The following CDYL variants were observed in gnomAD, a reference collection of about 807,000 sequenced individuals.
CDYL encodes chromodomain Y like.
CDYL carries 8 observed loss-of-function variants against 47.3 expected under a neutral mutation model. The ratio of observed to expected loss-of-function variants is 0.17; its 90% CI spans 0.10 to 0.31. CDYL has a LOEUF of 0.31. Ranked by LOEUF, CDYL falls within the 10% of genes least tolerant of loss-of-function variation. The pLI is 1.00. For synonymous variants in CDYL, 266 were observed against 265.0 expected (o/e 1.00, Z -0.04); for missense variants, 471 against 701.4 (o/e 0.67, Z 3.71).
Position 4,815,693 on chromosome 6 carries a change from T to TTTTA in CDYL, c.24+38886_24+38887insTTTA, listed in dbSNP as rs1554099918. Among the ~76,000 whole-genome samples the TTTTA allele has an allele frequency of 3.3e-3, 463 of 141,968 alleles. 1 individual carries two copies. The highest frequency in any genetic ancestry group is 0.011 in the African/African-American group (437 of 38,212). 93.1% of individuals were successfully genotyped at this position (141,968 alleles called of 152,430 possible). ...TTTCACTTTTTTTTTTTTTTTTTTT[T>TTTTA]ACCTTTTTTTTTTCCCTTGTCCAAG... On this transcript the variant is annotated intron_variant, in intron 1 of 6. Transcript: ENST00000397588.
At chr6:4,805,476 A>C (rs1478270460) in intron 1 of CDYL, among the ~76,000 whole-genome samples, 4 of 152,190 alleles carry the variant, frequency 2.6e-5, no homozygotes, top group Admixed American at 2.6e-4. Flanking sequence ...CATAGGTTAG[A>C]GAGAGATATA....
At chr6:4,860,002 C>T (rs1761117637) in intron 1 of CDYL, among the ~76,000 whole-genome samples, 1 of 151,446 alleles carries the variant, frequency 6.6e-6, no homozygotes, top group African/African-American at 2.4e-5. Flanking sequence ...CCTGTGTTCA[C>T]GCCATTCTCC....
At chr6:4,841,811 A>G (rs1760497554) in intron 1 of CDYL, among the ~76,000 whole-genome samples, 1 of 151,814 alleles carries the variant, frequency 6.6e-6, no homozygotes, top group Non-Finnish European at 1.5e-5. Flanking sequence ...TTTGTGGCCT[A>G]TCATATGGGC....
chr6:4,839,677 T>A (rs1235887690), intron 1 of CDYL, among the ~76,000 whole-genome samples: 2 of 152,254 alleles, frequency 1.3e-5, no homozygotes, highest in Non-Finnish European at 2.9e-5. Flanking sequence ...AAATAAGGTG[T>A]CCTTTCCCCA....
intron 3 of CDYL, among the ~76,000 whole-genome samples, chr6:4,753,880 G>A (rs184721523): frequency 6.6e-6 from 1 of 152,238 alleles, no homozygotes; most frequent in East Asian, 1.9e-4. Flanking sequence ...GGCCAAATTT[G>A]TTTATCAAAT....
intron 3 of CDYL, among the ~76,000 whole-genome samples, chr6:4,749,141 A>ATC (rs1757945176): frequency 6.6e-6 from 1 of 152,238 alleles, no homozygotes; most frequent in Non-Finnish European, 1.5e-5. Flanking sequence ...CTGGGGGGAA[A>ATC]AAGTCTGTTT....
chr6:4,715,956 A>C, intron 2 of CDYL: 1 of 1,548,700 alleles, frequency 6.5e-7, no homozygotes, highest in Non-Finnish European at 8.7e-7. Context: ...TTATTTAAAA[A>C]TGATTTTACT....
chr6:4,853,256 A>G (rs1743009178), intron 1 of CDYL, among the ~76,000 whole-genome samples: 1 of 152,196 alleles, frequency 6.6e-6, no homozygotes. Flanking sequence ...TGTACTTTAA[A>G]AGAATTACCA....
chr6:4,765,928 G>C (rs1758245351), intron 3 of CDYL, among the ~76,000 whole-genome samples: 1 of 152,018 alleles, frequency 6.6e-6, no homozygotes, highest in Admixed American at 6.6e-5. Context: ...AATAATGATA[G>C]AAGTGTAATT....
chr6:4,797,698 G>T (rs1295752632), intron 1 of CDYL, among the ~76,000 whole-genome samples: 3 of 152,138 alleles, frequency 2.0e-5, no homozygotes, highest in African/African-American at 7.2e-5. Flanking sequence ...CATACATTTT[G>T]TGTCTGACTT....
At chr6:4,895,921 A>G (rs760463209) in intron 2 of CDYL, among the ~76,000 whole-genome samples, 2 of 152,234 alleles carry the variant, frequency 1.3e-5, no homozygotes, top group Non-Finnish European at 2.9e-5. Context: ...GTGTAAGCAT[A>G]GAATCTTAAA....
chr6:4,844,533 C>G (rs762943922), intron 1 of CDYL, among the ~76,000 whole-genome samples: 1 of 152,164 alleles, frequency 6.6e-6, no homozygotes, highest in Non-Finnish European at 1.5e-5. Context: ...TCTGTCCGTC[C>G]GAGTGGGAGC....
chr6:4,819,123 T>TCTCTCTCTCTCC (rs1759754784), intron 1 of CDYL, among the ~76,000 whole-genome samples: 1 of 106,560 alleles, frequency 9.4e-6, no homozygotes, highest in Non-Finnish European at 1.9e-5. Context: ...TCGTTCTCTC[T>TCTCTCTCTCTCC]CTCTCTCTCT....
chr6:4,733,724 T>C (rs1429780047), intron 2 of CDYL, among the ~76,000 whole-genome samples: 3 of 152,212 alleles, frequency 2.0e-5, no homozygotes, highest in Non-Finnish European at 4.4e-5. Context: ...TAAAGGCTTT[T>C]CCCGTCCACC....
chr6:4,751,101 C>T (rs918989837), intron 3 of CDYL, among the ~76,000 whole-genome samples: 72 of 151,880 alleles, frequency 4.7e-4, no homozygotes, highest in African/African-American at 1.7e-3. Context: ...GTGATCCGCC[C>T]GCCTCGGCCT....
At chr6:4,902,404 CAAAA>C (rs35164020) in intron 2 of CDYL, among the ~76,000 whole-genome samples, 5 of 95,846 alleles carry the variant, frequency 5.2e-5, no homozygotes, top group African/African-American at 2.0e-4. Flanking sequence ...AGCTCCATCT[CAAAA>C]AAAAAAAAAA....
At chr6:4,760,264 G>T (rs1458562519) in intron 3 of CDYL, among the ~76,000 whole-genome samples, 2 of 151,778 alleles carry the variant, frequency 1.3e-5, no homozygotes, top group Non-Finnish European at 2.9e-5. Flanking sequence ...TGTATCCTGG[G>T]AGCTTAGAGG....
At chr6:4,839,036 T>C (rs919393250) in intron 1 of CDYL, among the ~76,000 whole-genome samples, 79 of 152,332 alleles carry the variant, frequency 5.2e-4, no homozygotes, top group African/African-American at 1.8e-3. Context: ...CTAGTTCACA[T>C]TCCTGCCAGC....
chr6:4,833,270 G>A (rs1405868230), intron 1 of CDYL, among the ~76,000 whole-genome samples: 2 of 147,458 alleles, frequency 1.4e-5, no homozygotes, highest in South Asian at 4.4e-4. Flanking sequence ...CTGGTATGTT[G>A]TGTCTTTGTT....
Sources: allele counts gnomAD v4.1 joint callset (sites outside exome capture counted in the v4.1 genomes callset), GRCh38; gene constraint gnomAD v4.1.1; transcripts MANE v1.5; gene names NCBI Gene and HGNC (gene_info 2026-07-23, HGNC 2026-07-21).